The following SSPN variants were observed in gnomAD, a reference collection of about 807,000 sequenced individuals.
The protein encoded by SSPN is K-ras oncogene-associated protein.
Under a neutral mutation model 19.1 loss-of-function variants are expected in SSPN, and 15 were observed. The ratio of observed to expected loss-of-function variants is 0.78; its 90% CI spans 0.52 to 1.21. The LOEUF (loss-of-function observed/expected upper bound fraction) is 1.21, where lower values mean the gene tolerates loss of function less well. Among genes scored for constraint, SSPN ranks in the 50% most tolerant of loss-of-function variants. The pLI, the probability that SSPN is intolerant of heterozygous loss-of-function variation, is 0.00. For missense variants in SSPN, 291 were observed against 314.0 expected (o/e 0.93, Z 0.55); for synonymous variants, 147 against 140.3 (o/e 1.05, Z -0.34).
chr12:26,199,366 A>G (rs1944858047), intron 1 of SSPN, among the ~76,000 whole-genome samples: 1 of 152,200 alleles, frequency 6.6e-6, no homozygotes, highest in South Asian at 2.1e-4. Context: ...TTTGATTACA[A>G]AAGATTCCTG....
intron 1 of SSPN, chr12:26,211,180 G>T (rs940335531): frequency 1.3e-5 from 2 of 152,118 alleles, no homozygotes; most frequent in African/African-American, 2.4e-5. Context: ...CAACTTTATT[G>T]CTTCACAATT....
At chr12:26,210,339 A>G (rs1944972122) in intron 1 of SSPN, among the ~76,000 whole-genome samples, 1 of 152,124 alleles carries the variant, frequency 6.6e-6, no homozygotes, top group Admixed American at 6.6e-5. Flanking sequence ...ATTTCTTAAT[A>G]GAATCAAACC....
intron 1 of SSPN, chr12:26,124,629 T>G: frequency 1.9e-6 from 3 of 1,611,306 alleles, no homozygotes; most frequent in Non-Finnish European, 2.5e-6. Context: ...GGAGGGGCTC[T>G]GCCCTCGCCA....
chr12:26,182,977 G>A (rs911131340), intron 1 of SSPN, among the ~76,000 whole-genome samples: 5 of 151,900 alleles, frequency 3.3e-5, no homozygotes, highest in Admixed American at 2.0e-4. Context: ...TGTTGGCCAG[G>A]CTAGTCTCAA....
intron 1 of SSPN, among the ~76,000 whole-genome samples, chr12:26,185,150 A>C (rs187422988): frequency 6.6e-6 from 1 of 152,260 alleles, no homozygotes; most frequent in Non-Finnish European, 1.5e-5. Context: ...TCCTCTCCAA[A>C]ATTTACATGA....
chr12:26,170,605 T>C (rs78867015), intron 1 of SSPN, among the ~76,000 whole-genome samples: 2,415 of 152,366 alleles, frequency 0.016, 70 homozygotes, highest in African/African-American at 0.055. Context: ...TCACCTCTTG[T>C]TCTTTAATCA....
intron 2 of SSPN, among the ~76,000 whole-genome samples, chr12:26,226,056 A>T (rs1266610500): frequency 1.3e-5 from 2 of 151,918 alleles, no homozygotes; most frequent in Admixed American, 1.3e-4. Context: ...AGATCTCATT[A>T]GCTACCTCTT....
intron 1 of SSPN, among the ~76,000 whole-genome samples, chr12:26,213,035 C>T (rs892779552): frequency 6.6e-6 from 1 of 151,762 alleles, no homozygotes. Flanking sequence ...GATATCTGCA[C>T]ACTAAGTTTG....
chr12:26,123,556 G>T, intron 1 of SSPN: 1 of 1,011,958 alleles, frequency 9.9e-7, no homozygotes, highest in Non-Finnish European at 1.6e-6. Flanking sequence ...GTGCGGGTGA[G>T]GGAGTCCTGA....
intron 1 of SSPN, chr12:26,125,824 G>C (rs1048940501): frequency 6.6e-6 from 1 of 152,170 alleles, no homozygotes; most frequent in Admixed American, 6.5e-5. Flanking sequence ...TGGCACGAGA[G>C]GGGGTGGCAC....
chr12:26,230,183 T>C (rs571130424), intron 2 of SSPN, among the ~76,000 whole-genome samples: 1 of 152,356 alleles, frequency 6.6e-6, no homozygotes, highest in Admixed American at 6.5e-5. Flanking sequence ...CTCATGTTTA[T>C]GGATACAGTT....
At chr12:26,161,187 T>C (rs1262642548) in intron 1 of SSPN, among the ~76,000 whole-genome samples, 1 of 152,110 alleles carries the variant, frequency 6.6e-6, no homozygotes, top group African/African-American at 2.4e-5. Context: ...GCTTCCGTTT[T>C]ACTGACAGTA....
At chr12:26,144,613 G>A (rs1356886409) in intron 1 of SSPN, among the ~76,000 whole-genome samples, 2 of 152,160 alleles carry the variant, frequency 1.3e-5, no homozygotes, top group African/African-American at 2.4e-5. Context: ...CACAGAACAA[G>A]AGCAGGCAAT....
chr12:26,186,496 G>A (rs1944755252), intron 1 of SSPN, among the ~76,000 whole-genome samples: 1 of 152,160 alleles, frequency 6.6e-6, no homozygotes, highest in Non-Finnish European at 1.5e-5. Flanking sequence ...TATCTCTCCT[G>A]CCCTAGAATG....
chr12:26,144,900 C>T (rs1944481044), intron 1 of SSPN, among the ~76,000 whole-genome samples: 2 of 152,168 alleles, frequency 1.3e-5, no homozygotes, highest in South Asian at 2.1e-4. Context: ...CACTTTCCTC[C>T]GCCAATGCAG....
chr12:26,200,021 T>C (rs1402500115), intron 1 of SSPN, among the ~76,000 whole-genome samples: 1 of 152,266 alleles, frequency 6.6e-6, no homozygotes, highest in Non-Finnish European at 1.5e-5. Flanking sequence ...TCAATTTAAG[T>C]GCAAACTCTT....
chr12:26,192,589 G>A (rs868390966), upstream of SSPN, among the ~76,000 whole-genome samples: 2 of 152,010 alleles, frequency 1.3e-5, no homozygotes, highest in African/African-American at 2.4e-5. Context: ...TGACATCCTC[G>A]TCACTATCAT....
intron 1 of SSPN, among the ~76,000 whole-genome samples, chr12:26,204,398 T>G (rs992649232): frequency 3.9e-5 from 6 of 152,204 alleles, no homozygotes; most frequent in South Asian, 2.1e-4. Context: ...ACTTAGGCAT[T>G]TCCTTTGCTG....
chr12:26,196,013 T>G, intron 1 of SSPN, 62 bp downstream of exon 1: 3 of 1,346,230 alleles, frequency 2.2e-6, no homozygotes, highest in Non-Finnish European at 2.9e-6. Context: ...AGTCGCATGG[T>G]CGAGTTGAGA....
Sources: gnomAD v4.1 joint callset for allele counts (sites outside exome capture counted in the v4.1 genomes callset) on GRCh38, gnomAD v4.1.1 for gene constraint, MANE v1.5 for transcripts, NCBI Gene and HGNC (gene_info 2026-07-23, HGNC 2026-07-21) for gene names.